Variants in TET1 observed in about 807,000 individuals in gnomAD.
The protein encoded by TET1 is tet methylcytosine dioxygenase 1, also known as methylcytosine dioxygenase TET1.
A neutral mutation model predicts 148.7 loss-of-function variants in TET1; 13 were observed. That is an observed-to-expected ratio of 0.09 (90% CI 0.06 to 0.14). The LOEUF (loss-of-function observed/expected upper bound fraction) is 0.14. Among genes scored for constraint, TET1 ranks in the 10% least tolerant of loss-of-function variants. The pLI is 1.00. For synonymous variants in TET1, 907 were observed against 937.2 expected (o/e 0.97, Z 0.59); for missense variants, 2,182 against 2,553.8 (o/e 0.85, Z 3.14).
At chr10:68,610,005 A>T (rs2054183343) in intron 3 of TET1, among the ~76,000 whole-genome samples, 1 of 151,736 alleles carries the variant, frequency 6.6e-6, no homozygotes, top group South Asian at 2.1e-4. Context: ...AAAATAAGGC[A>T]GGGCACGGTG....
At chr10:68,670,774 C>T (rs1027506) in intron 7 of TET1, among the ~76,000 whole-genome samples, 21 of 152,060 alleles carry the variant, frequency 1.4e-4, no homozygotes, top group African/African-American at 4.6e-4. Flanking sequence ...TGAATTTCAT[C>T]GTAGTCTTTC....
chr10:68,619,828 G>A (rs1446664153), intron 3 of TET1, among the ~76,000 whole-genome samples: 2 of 152,052 alleles, frequency 1.3e-5, no homozygotes, highest in African/African-American at 4.8e-5. Context: ...ATTATTCAGC[G>A]AGTTTTGATG....
At chr10:68,575,386 AAAATAAATAAATAAAT>A (rs72033179) in intron 2 of TET1, among the ~76,000 whole-genome samples, 3 of 148,724 alleles carry the variant, frequency 2.0e-5, no homozygotes, top group South Asian at 2.1e-4. Context: ...CTCTGTCTCA[AAAATAAATAAATAAAT>A]AAATAAATAA....
chr10:68,632,261 G>A, intron 3 of TET1: 1 of 872,922 alleles, frequency 1.1e-6, no homozygotes, highest in Non-Finnish European at 1.7e-6. Flanking sequence ...GGCGGAGCTT[G>A]CAGTGAGCCG....
At chr10:68,600,797 G>T (rs1282735966) in intron 2 of TET1, among the ~76,000 whole-genome samples, 184 bp from the exon 3 acceptor site, 3 of 152,142 alleles carry the variant, frequency 2.0e-5, no homozygotes. Context: ...CTTTATGCAA[G>T]ATTTTTTTAG....
At chr10:68,683,703 C>T (rs193262629) in intron 10 of TET1, among the ~76,000 whole-genome samples, 83 of 152,316 alleles carry the variant, frequency 5.4e-4, no homozygotes, top group African/African-American at 1.8e-3. Flanking sequence ...TGAGCCAACG[C>T]GCTCGGCCAA....
chr10:68,571,688 G>T (rs1292112525), intron 1 of TET1, among the ~76,000 whole-genome samples: 1 of 150,874 alleles, frequency 6.6e-6, no homozygotes, highest in African/African-American at 2.4e-5. Context: ...ATGAGCCACC[G>T]CACCTGGCCA....
Position 68,676,244 on chromosome 10 carries a change from A to G in TET1, c.4824+3199A>G, listed in dbSNP as rs1300033364. Among the ~76,000 whole-genome samples the G allele has an allele frequency of 1.8e-3, 26 of 14,432 alleles. 1 individual carries two copies. The highest frequency in any genetic ancestry group is 8.7e-3 in the African/African-American group (26 of 2,990). 9.5% of individuals were successfully genotyped at this position (14,432 alleles called of 152,430 possible). ...TATATATGTATGTATGTGTATATAT[A>G]TATATATATATATATATATATATAT... On this transcript the variant is annotated intron_variant, in intron 8 of 11. Coordinates refer to ENST00000373644, the MANE Select transcript of TET1 (RefSeq NM_030625.3).
At chr10:68,651,359 C>T (rs1286815502) in intron 4 of TET1, among the ~76,000 whole-genome samples, 1 of 151,718 alleles carries the variant, frequency 6.6e-6, no homozygotes, top group African/African-American at 2.4e-5. Flanking sequence ...GAGGCTGAGG[C>T]AGAATGGTGT....
At chr10:68,589,935 G>A (rs775314167) in intron 2 of TET1, among the ~76,000 whole-genome samples, 1 of 151,740 alleles carries the variant, frequency 6.6e-6, no homozygotes, top group Non-Finnish European at 1.5e-5. Context: ...GCTTTCCAAA[G>A]TGCTGAGATT....
At chr10:68,567,611 A>G (rs536947432) in intron 1 of TET1, among the ~76,000 whole-genome samples, 37 of 151,352 alleles carry the variant, frequency 2.4e-4, no homozygotes, top group Non-Finnish European at 4.3e-4. Context: ...TTTTTTTTTA[A>G]TCTATTTTTA....
chr10:68,640,627 C>T (rs919002288), intron 3 of TET1, among the ~76,000 whole-genome samples: 4 of 132,912 alleles, frequency 3.0e-5, no homozygotes, highest in Admixed American at 2.6e-4. Flanking sequence ...TCTAGGCTCA[C>T]TGCAGGCTCC....
At chr10:68,682,786 G>A (rs759584451) in intron 9 of TET1, 50 bp from the exon 10 acceptor site, 4 of 1,563,098 alleles carry the variant, frequency 2.6e-6, no homozygotes, top group South Asian at 2.4e-5. Flanking sequence ...ACTGAAGGTA[G>A]GTGATTTCCT....
intron 11 of TET1, among the ~76,000 whole-genome samples, chr10:68,689,765 C>T (rs533025362): frequency 2.2e-5 from 3 of 133,824 alleles, no homozygotes; most frequent in African/African-American, 5.3e-5. Flanking sequence ...GGCAACAGAG[C>T]GAGACTCCAT....
rs1489557539 is a variant in TET1, at chr10:68,646,323, T to G, written c.3594T>G (p.Phe1198Leu). 6 of 1,614,050 alleles carry G rather than the reference T, an allele frequency of 3.7e-6. No homozygotes were observed. Among genetic ancestry groups the G allele is most frequent in the Middle Eastern group, 1.6e-4 (1 of 6,084 alleles). ...DIWIASKFQNFGQFCPHDFPT... is the reference protein window; with the variant it reads ...DIWIASKFQNLGQFCPHDFPT... Reference sequence around the variant, plus strand: ...GGATAGCATCGAAATTTCAAAATTTTGGGCAATTTTGTCCACATGATTTTC... The same window carrying G: ...GGATAGCATCGAAATTTCAAAATTTGGGGCAATTTTGTCCACATGATTTTC... The change falls in exon 4 of 12, where the codon TTT becomes TTG. Residue 1198 changes from phenylalanine to leucine, a missense_variant. Coordinates refer to ENST00000373644, the MANE Select transcript of TET1 (RefSeq NM_030625.3).
intron 2 of TET1, among the ~76,000 whole-genome samples, chr10:68,575,919 C>T (rs965602625): frequency 6.7e-6 from 1 of 150,102 alleles, no homozygotes; most frequent in Admixed American, 6.7e-5. Flanking sequence ...GCTGGGGAGG[C>T]TGAGGCAGGA....
At chr10:68,625,923 T>C (rs12259612) in intron 3 of TET1, among the ~76,000 whole-genome samples, 76,156 of 151,044 alleles carry the variant, frequency 0.5, 19,836 homozygotes, top group Non-Finnish European at 0.58. Flanking sequence ...CCAGTGTCTA[T>C]AAAATACAAA....
intron 6 of TET1, among the ~76,000 whole-genome samples, chr10:68,657,961 G>A (rs1394777784): frequency 6.6e-6 from 1 of 152,106 alleles, no homozygotes; most frequent in African/African-American, 2.4e-5. Flanking sequence ...ACGTGGGTGA[G>A]GGAGGAAATG....
At chr10:68,656,586 T>A (rs12261368) in intron 6 of TET1, among the ~76,000 whole-genome samples, 27,682 of 152,148 alleles carry the variant, frequency 0.18, 3,141 homozygotes, top group African/African-American at 0.31. Flanking sequence ...AGTCAAACTT[T>A]ATTTTTCCAA....
Sources: gnomAD v4.1 joint callset for allele counts (sites outside exome capture counted in the v4.1 genomes callset) on GRCh38, gnomAD v4.1.1 for gene constraint, MANE v1.5 for transcripts, NCBI Gene and HGNC (gene_info 2026-07-23, HGNC 2026-07-21) for gene names.